PCDH19: variants seen among roughly 807,000 people sequenced by gnomAD.
PCDH19 encodes protocadherin-19.
A neutral mutation model predicts 46.2 loss-of-function variants in PCDH19; 6 were observed. The ratio of observed to expected loss-of-function variants is 0.13; its 90% CI spans 0.07 to 0.26. The LOEUF is 0.26. Among genes scored for constraint, PCDH19 ranks in the 10% least tolerant of loss-of-function variants. The pLI is 1.00. For missense variants in PCDH19, 740 were observed against 972.3 expected, an observed-to-expected ratio of 0.76 and a Z score of 3.18; for synonymous variants, 481 against 415.7, an observed-to-expected ratio of 1.16 and a Z score of -1.91.
chrX:100,353,436 C>T (rs1399513357), intron 3 of PCDH19, among the ~76,000 whole-genome samples: 5 of 111,598 alleles, frequency 4.5e-5, no homozygotes, highest in Admixed American at 9.5e-5. Flanking sequence ...TATGAAGCTC[C>T]GCGGAGACCT....
At chrX:100,348,370 GTTGGTCCCC>G (rs1926475312) in intron 4 of PCDH19, among the ~76,000 whole-genome samples, 1 of 49,768 alleles carries the variant, frequency 2.0e-5, no homozygotes, top group African/African-American at 5.5e-5. Context: ...ATTTAACACA[GTTGGTCCCC>G]AGAACAGCAT....
At position 100,373,433 on chromosome X, in the gene PCDH19, T is replaced by G. The variant is rs1001846279; in HGVS notation, c.2617-22729A>C. Among the ~76,000 whole-genome samples the G allele has an allele frequency of 8.0e-5, 9 of 113,085 alleles. No individual in the cohort carries two copies. In the South Asian group the frequency reaches 3.2e-3, roughly 41 times the overall value. On this transcript the variant is annotated intron_variant, in intron 3 of 5. Transcript: ENST00000373034. ...AGAATCATCTCATTGGGGAAAAGAA[T>G]CAGCTTCAGTTTTTAACCTCTCCCT...
At chrX:100,377,307 G>A (rs1233411172) in intron 3 of PCDH19, among the ~76,000 whole-genome samples, 1 of 111,535 alleles carries the variant, frequency 9.0e-6, no homozygotes, top group Non-Finnish European at 1.9e-5. Flanking sequence ...GAACAGAATG[G>A]TGGCAATAAT....
At chrX:100,298,727 AT>A (rs1924691249) in intron 5 of PCDH19, among the ~76,000 whole-genome samples, 1 of 111,995 alleles carries the variant, frequency 8.9e-6, no homozygotes, top group Admixed American at 9.5e-5. Context: ...CCCTGTTATC[AT>A]TCAACATGCA....
intron 4 of PCDH19, among the ~76,000 whole-genome samples, chrX:100,343,403 G>A (rs1263119632): frequency 8.9e-6 from 1 of 112,397 alleles, no homozygotes; most frequent in Non-Finnish European, 1.9e-5. Flanking sequence ...GAGCCAGAGA[G>A]TGAGCACTAA....
At chrX:100,378,333 A>T (rs746495229) in intron 3 of PCDH19, among the ~76,000 whole-genome samples, 2 of 113,220 alleles carry the variant, frequency 1.8e-5, no homozygotes, top group African/African-American at 6.4e-5. Flanking sequence ...ATAAGGGGGA[A>T]CCCCAGAGCC....
Position 100,407,184 on chromosome X carries a change from G to C in PCDH19, c.1414C>G (p.Leu472Val). The C allele has an allele frequency of 8.3e-7, 1 of 1,212,043 alleles. No individual in the cohort carries two copies. The highest frequency in any genetic ancestry group is 1.1e-6 in the Non-Finnish European group (1 of 895,556). Reference sequence around the variant, plus strand: ...GGGTCGCGAGCAGACACAGAGAGCAGATAGGCGCCAGGCGTGTTGTTCTCC... The same window carrying C: ...GGGTCGCGAGCAGACACAGAGAGCACATAGGCGCCAGGCGTGTTGTTCTCC... ...VQENNTPGAY[L>V]LSVSARDPDL... The change falls in exon 1 of 6, where the codon CTG (leucine) becomes GTG (valine). Residue 472 changes from leucine to valine, a missense_variant. This residue lies in a region of PCDH19 where 186 missense variants were observed against 319.9 expected (regional missense o/e 0.58). Transcript: ENST00000373034.
chrX:100,323,742 G>A (rs1459874739), intron 5 of PCDH19, among the ~76,000 whole-genome samples: 1 of 111,089 alleles, frequency 9.0e-6, no homozygotes, highest in African/African-American at 3.3e-5. Flanking sequence ...CACAAGGGAA[G>A]ACTGAACCAC....
intron 5 of PCDH19, among the ~76,000 whole-genome samples, chrX:100,332,294 G>A (rs1383635194): frequency 8.9e-6 from 1 of 111,998 alleles, no homozygotes; most frequent in Admixed American, 9.4e-5. Context: ...GGCCAAGGCG[G>A]GTGGATCACC....
intron 3 of PCDH19, among the ~76,000 whole-genome samples, chrX:100,356,467 T>C (rs1439904577): frequency 3.6e-5 from 4 of 111,571 alleles, no homozygotes; most frequent in Non-Finnish European, 7.5e-5. Context: ...GGAAATGAGA[T>C]AATAAATAGT....
chrX:100,322,040 C>T (rs1454538778), intron 5 of PCDH19, among the ~76,000 whole-genome samples: 2 of 109,889 alleles, frequency 1.8e-5, no homozygotes, highest in Non-Finnish European at 3.8e-5. Context: ...CCACCTGCCT[C>T]GGCCTCCCAA....
intron 5 of PCDH19, among the ~76,000 whole-genome samples, chrX:100,320,786 T>TA (rs1425743562): frequency 1.8e-5 from 2 of 110,161 alleles, no homozygotes; most frequent in African/African-American, 6.6e-5. Flanking sequence ...TTTTTTTTTT[T>TA]AACCTTTTTT....
At chrX:100,396,740 C>T (rs1928035477) in intron 3 of PCDH19, among the ~76,000 whole-genome samples, 1 of 112,199 alleles carries the variant, frequency 8.9e-6, no homozygotes, top group African/African-American at 3.2e-5. Context: ...AAGCCCATCC[C>T]CACTGGGAAA....
chrX:100,347,278 T>C (rs1316764857), intron 4 of PCDH19, among the ~76,000 whole-genome samples: 1 of 110,946 alleles, frequency 9.0e-6, no homozygotes, highest in East Asian at 2.8e-4. Context: ...AGGACAGTGA[T>C]ATCAGGATAT....
At chrX:100,332,630 C>A (rs1350260874) in intron 5 of PCDH19, among the ~76,000 whole-genome samples, 1 of 111,294 alleles carries the variant, frequency 9.0e-6, no homozygotes, top group Admixed American at 9.6e-5. Flanking sequence ...GAAAAAAATA[C>A]TCTACAAATA....
intron 5 of PCDH19, among the ~76,000 whole-genome samples, chrX:100,323,438 G>T (rs1381939929): frequency 1.8e-5 from 2 of 111,775 alleles, no homozygotes; most frequent in African/African-American, 6.5e-5. Flanking sequence ...ACAATGCCCT[G>T]AAGTCACATA....
At chrX:100,377,563 C>T (rs1035724429) in intron 3 of PCDH19, among the ~76,000 whole-genome samples, 2 of 112,184 alleles carry the variant, frequency 1.8e-5, no homozygotes, top group African/African-American at 6.5e-5. Context: ...CAATACCACA[C>T]AGCTGAAGTA....
At chrX:100,390,238 T>G (rs754358437) in intron 3 of PCDH19, among the ~76,000 whole-genome samples, 2 of 111,242 alleles carry the variant, frequency 1.8e-5, no homozygotes, top group Non-Finnish European at 3.8e-5. Flanking sequence ...GATGAATGAG[T>G]GGATATTTTC....
intron 3 of PCDH19, among the ~76,000 whole-genome samples, chrX:100,354,367 CTTGT>C (rs1926654236): frequency 8.9e-6 from 1 of 112,083 alleles, no homozygotes; most frequent in African/African-American, 3.2e-5. Context: ...GAATCTTCTT[CTTGT>C]AAAACATAAA....
Sources: allele counts gnomAD v4.1 joint callset (sites outside exome capture counted in the v4.1 genomes callset), GRCh38; gene constraint gnomAD v4.1.1; regional missense constraint gnomAD v4.1.1; transcripts MANE v1.5; gene names NCBI Gene and HGNC (gene_info 2026-07-23, HGNC 2026-07-21).